Variants in PACRG observed in about 807,000 individuals in gnomAD.
The protein encoded by PACRG is parkin coregulated.
In PACRG, 29 loss-of-function variants were observed where a neutral mutation model predicts 29.7. The ratio of observed to expected loss-of-function variants is 0.98; its 90% confidence interval spans 0.73 to 1.33. The LOEUF (loss-of-function observed/expected upper bound fraction) is 1.33, where lower values mean the gene tolerates loss of function less well. PACRG is among the 40% of genes most tolerant of loss of function. The pLI, the probability that PACRG is intolerant of heterozygous loss-of-function variation, is 0.00. For missense variants in PACRG, 279 were observed against 316.2 expected (o/e 0.88, Z 0.89); for synonymous variants, 116 against 118.7 (o/e 0.98, Z 0.15).
At chr6:163,273,049 G>A (rs1310491269) in intron 4 of PACRG, among the ~76,000 whole-genome samples, 2 of 148,534 alleles carry the variant, frequency 1.3e-5, no homozygotes, top group African/African-American at 2.6e-5. Context: ...CCGCCACTAC[G>A]CCCGGCTAAT....
intron 2 of PACRG, among the ~76,000 whole-genome samples, chr6:163,022,015 G>T (rs142787771): frequency 6.6e-6 from 1 of 152,154 alleles, no homozygotes; most frequent in African/African-American, 2.4e-5. Context: ...AGCCGACCAC[G>T]GACCCCCTGC....
At chr6:162,791,681 C>T (rs1456457104) in intron 1 of PACRG, among the ~76,000 whole-genome samples, 1 of 152,170 alleles carries the variant, frequency 6.6e-6, no homozygotes, top group Non-Finnish European at 1.5e-5. Context: ...GCTTTTGCTT[C>T]ATATCTAGAT....
chr6:162,790,014 A>G (rs995010815), intron 1 of PACRG, among the ~76,000 whole-genome samples: 3 of 152,172 alleles, frequency 2.0e-5, no homozygotes, highest in Admixed American at 2.0e-4. Flanking sequence ...TTAGAACTAG[A>G]TCTCAAATAG....
chr6:163,253,150 A>G (rs902014385), intron 4 of PACRG, among the ~76,000 whole-genome samples: 2 of 151,368 alleles, frequency 1.3e-5, no homozygotes, highest in African/African-American at 4.9e-5. Context: ...AAATACAAAA[A>G]TTAGCCAGGC....
chr6:163,199,699 T>C (rs1057135788), intron 4 of PACRG, among the ~76,000 whole-genome samples: 1 of 152,174 alleles, frequency 6.6e-6, no homozygotes, highest in Non-Finnish European at 1.5e-5. Flanking sequence ...GAAACTCCAC[T>C]GAGAAGGATG....
intron 2 of PACRG, among the ~76,000 whole-genome samples, chr6:162,898,188 C>T (rs1165778535): frequency 2.0e-5 from 3 of 152,138 alleles, no homozygotes; most frequent in Admixed American, 6.5e-5. Flanking sequence ...GCCTCAGCCG[C>T]GAGCACAGTG....
At chr6:163,021,993 G>T (rs1367266795) in intron 2 of PACRG, among the ~76,000 whole-genome samples, 1 of 152,180 alleles carries the variant, frequency 6.6e-6, no homozygotes, top group Admixed American at 6.5e-5. Context: ...CTTTTCAAAA[G>T]TAGTGATGCA....
chr6:162,846,322 C>T (rs1001901560), intron 2 of PACRG, among the ~76,000 whole-genome samples: 1 of 152,218 alleles, frequency 6.6e-6, no homozygotes, highest in Non-Finnish European at 1.5e-5. Flanking sequence ...CAGTTACATT[C>T]CCTGCAGTCA....
intron 1 of PACRG, among the ~76,000 whole-genome samples, chr6:162,779,941 T>C (rs763638331): frequency 6.6e-6 from 1 of 152,154 alleles, no homozygotes; most frequent in Non-Finnish European, 1.5e-5. Flanking sequence ...GGGAAAAGTT[T>C]TCAGAGGGTG....
intron 1 of PACRG, among the ~76,000 whole-genome samples, chr6:162,809,502 G>T (rs1444967486): frequency 1.3e-5 from 2 of 152,168 alleles, no homozygotes; most frequent in Non-Finnish European, 2.9e-5. Flanking sequence ...TTGAAAGGAA[G>T]AAGTATAAGT....
chr6:163,137,875 G>A (rs984473491), intron 4 of PACRG, among the ~76,000 whole-genome samples: 1 of 152,264 alleles, frequency 6.6e-6, no homozygotes, highest in Non-Finnish European at 1.5e-5. Flanking sequence ...CAGGCCCTGA[G>A]TGGGCTCCCT....
rs541968152 is a variant in PACRG at position 162,852,000 on chromosome 6, G to A, written c.291+37719G>A. ...GAGAAAAGAAAAGGGAGGGAGGGAG[G>A]GAGGGAGGAAGGAAGGAAGGAAGGA... On this transcript the variant is annotated intron_variant, in intron 2 of 4. Coordinates refer to ENST00000366888, the MANE Select transcript of PACRG (RefSeq NM_001080379.2). Among the ~76,000 whole-genome samples, 108 of 125,356 alleles carry A rather than the reference G, an allele frequency of 8.6e-4. No individual in the cohort carries two copies. The South Asian group carries it at 0.014, about 17-fold the overall frequency. The allele number at this position is 125,356 out of a possible 152,430, so 82.2% of individuals were successfully genotyped here. A position where few individuals can be genotyped will look rare whatever the true frequency, so the allele number is the denominator to read the frequency against.
intron 4 of PACRG, among the ~76,000 whole-genome samples, chr6:163,162,489 C>T (rs1397266675): frequency 2.0e-5 from 3 of 152,208 alleles, no homozygotes; most frequent in Admixed American, 6.5e-5. Context: ...GCTTTCATTT[C>T]GTTTCTGCCA....
rs533914039 is a variant in PACRG, at chr6:163,062,408, C to G, written c.463+87C>G. ...TAATTAAGCAATAAACCATGACAGA[C>G]TGAGGTGATCCCCAGTTTTGCAGGA... On this transcript the variant is annotated intron_variant, in intron 3 of 4. Transcript: ENST00000366888. 6.5e-5 allele frequency: 89 copies of G among 1,373,176 alleles called. No homozygotes were observed. In the South Asian group the frequency reaches 1.2e-3, roughly 18 times the overall value. The allele number at this position is 1,373,176 out of a possible 1,614,324, so 85.1% of individuals were successfully genotyped here.
At chr6:163,148,975 G>GGGGGGGGGGGA (rs1777941608) in intron 4 of PACRG, among the ~76,000 whole-genome samples, 1 of 83,794 alleles carries the variant, frequency 1.2e-5, no homozygotes, top group Non-Finnish European at 2.6e-5. Flanking sequence ...GGGGGGGGGG[G>GGGGGGGGGGGA]GGGGGGTGGA....
In PACRG at chr6:162,826,438, G is replaced by C. The variant is rs139610475; in HGVS notation, c.291+12157G>C. On this transcript the variant is annotated intron_variant, in intron 2 of 4. Coordinates refer to ENST00000366888, the MANE Select transcript of PACRG (RefSeq NM_001080379.2). ...ACATTTTGTTCCTATTTCAGTACTG[G>C]AGTAAAGATTTTTCTTTTTTCTTTT... is the stretch of plus-strand genomic sequence containing the variant. 7.8e-3 allele frequency among the ~76,000 whole-genome samples: 1,179 copies of C among 151,708 alleles called. 5 individuals carry two copies. Among genetic ancestry groups the C allele is most frequent in the Non-Finnish European group, 0.012 (813 of 67,900 alleles).
chr6:163,313,283 T>C (rs868845286), intron 4 of PACRG, among the ~76,000 whole-genome samples: 2 of 152,114 alleles, frequency 1.3e-5, no homozygotes, highest in Non-Finnish European at 2.9e-5. Flanking sequence ...ATAAATGACA[T>C]GCACTACAGT....
chr6:163,105,799 C>A (rs1815349912), intron 4 of PACRG, among the ~76,000 whole-genome samples: 1 of 152,120 alleles, frequency 6.6e-6, no homozygotes, highest in South Asian at 2.1e-4. Context: ...AATCTCCTCC[C>A]TTAAACATTG....
At position 162,796,328 on chromosome 6, in the gene PACRG, T is replaced by C. The variant is rs532648882; in HGVS notation, c.157-17819T>C. On this transcript the variant is annotated intron_variant, in intron 1 of 4. Coordinates refer to ENST00000366888, the MANE Select transcript of PACRG (RefSeq NM_001080379.2). ...TGATCAAAACTGAAAGTTTATTTAG[T>C]CTTTTTATATTTATTAATAGCTGAG... 3.9e-5 allele frequency among the ~76,000 whole-genome samples: 6 copies of C among 152,272 alleles called. No homozygotes were observed. In the South Asian group the frequency reaches 1.2e-3, roughly 32 times the overall value.
Sources: gnomAD v4.1 joint callset for allele counts (sites outside exome capture counted in the v4.1 genomes callset) on GRCh38, gnomAD v4.1.1 for gene constraint, MANE v1.5 for transcripts, NCBI Gene and HGNC (gene_info 2026-07-23, HGNC 2026-07-21) for gene names.